LDB2: variants seen among roughly 807,000 people sequenced by gnomAD.
LDB2 encodes the protein LIM domain binding 2, also known as LIM domain-binding protein 2.
A neutral mutation model predicts 44.3 loss-of-function variants in LDB2; 12 were observed. That is an observed-to-expected ratio of 0.27 (90% CI 0.17 to 0.44). The LOEUF (loss-of-function observed/expected upper bound fraction) is 0.44, where lower values mean the gene tolerates loss of function less well. Ranked by LOEUF, LDB2 falls within the 20% of genes least tolerant of loss-of-function variation. LDB2 has a pLI of 1.00. For synonymous variants in LDB2, 164 were observed against 174.8 expected (o/e 0.94, Z 0.49); for missense variants, 344 against 473.5 (o/e 0.73, Z 2.54).
intron 2 of LDB2, among the ~76,000 whole-genome samples, chr4:16,708,549 A>T (rs902705499): frequency 6.6e-6 from 1 of 152,088 alleles, no homozygotes; most frequent in Non-Finnish European, 1.5e-5. Context: ...TTCCTCTGCA[A>T]ATACGGCCTG....
intron 1 of LDB2, among the ~76,000 whole-genome samples, chr4:16,815,123 C>T (rs1035697750): frequency 5.3e-5 from 8 of 152,156 alleles, no homozygotes; most frequent in African/African-American, 1.7e-4. Flanking sequence ...AATTGCAAGT[C>T]CAAGGCAAAG....
rs1345309761 is a variant in LDB2, at chr4:16,682,472, A to C, written c.235+76686T>G. 2.0e-5 allele frequency among the ~76,000 whole-genome samples: 3 copies of C among 152,296 alleles called. No individual in the cohort carries two copies. In the East Asian group the frequency reaches 5.8e-4, roughly 29 times the overall value. On this transcript the variant is annotated intron_variant, in intron 2 of 7. Transcript: ENST00000304523. Reference sequence around the variant, plus strand: ...CACAAGGTGGCTGTGACAATGACCAATGTTATTTCATAAAGCACTTAGAAT... The same window carrying C: ...CACAAGGTGGCTGTGACAATGACCACTGTTATTTCATAAAGCACTTAGAAT...
At position 16,714,016 on chromosome 4, in the gene LDB2, C is replaced by T. The variant is rs555177356; in HGVS notation, c.235+45142G>A. 4.1e-4 allele frequency among the ~76,000 whole-genome samples: 63 copies of T among 152,206 alleles called. No individual in the cohort carries two copies. The South Asian group carries it at 6.0e-3, about 15-fold the overall frequency. ...TTAAGAGCAGGTAGAGCTCATTCAC[C>T]GGCGAGAAGATATTTAAAAAGCATT... On this transcript the variant is annotated intron_variant, in intron 2 of 7. Transcript: ENST00000304523.
At chr4:16,791,572 A>AAAAAAAAAAAAAAAT (rs1554021638) in intron 1 of LDB2, among the ~76,000 whole-genome samples, 1 of 150,560 alleles carries the variant, frequency 6.6e-6, no homozygotes. Context: ...AAAAAAAAAA[A>AAAAAAAAAAAAAAAT]GAAAGACAGC....
At chr4:16,614,669 G>C (rs962492627) in intron 2 of LDB2, among the ~76,000 whole-genome samples, 1 of 150,244 alleles carries the variant, frequency 6.7e-6, no homozygotes. Context: ...AGATATTTAC[G>C]TACCAACAAA....
chr4:16,893,085 G>A (rs1723883949), intron 1 of LDB2: 1 of 973,590 alleles, frequency 1.0e-6, no homozygotes, highest in Non-Finnish European at 1.2e-6. Context: ...GGTTTTCTGA[G>A]GCCATGTAGA....
chr4:16,589,464 G>A (rs1718149252), intron 3 of LDB2, among the ~76,000 whole-genome samples: 1 of 152,128 alleles, frequency 6.6e-6, no homozygotes, highest in Admixed American at 6.5e-5. Context: ...GTCTTAGGGG[G>A]ATGGGACACT....
chr4:16,503,130 A>G, intron 7 of LDB2: 6 of 1,535,864 alleles, frequency 3.9e-6, no homozygotes, highest in Non-Finnish European at 5.2e-6. Context: ...AATGCTAGCA[A>G]TCTGCAGAAA....
intron 5 of LDB2, among the ~76,000 whole-genome samples, chr4:16,566,442 C>T (rs979637272): frequency 3.3e-5 from 5 of 151,920 alleles, no homozygotes; most frequent in African/African-American, 7.3e-5. Context: ...GAGAAAAGGA[C>T]GTATCAGTCA....
chr4:16,615,392 C>T (rs184412101), intron 2 of LDB2, among the ~76,000 whole-genome samples: 277 of 152,162 alleles, frequency 1.8e-3, no homozygotes, highest in Middle Eastern at 3.4e-3. Flanking sequence ...AAAGAAAATG[C>T]GGTACATATA....
chr4:16,524,843 A>G (rs956875710), intron 5 of LDB2, among the ~76,000 whole-genome samples: 1 of 152,190 alleles, frequency 6.6e-6, no homozygotes, highest in African/African-American at 2.4e-5. Context: ...ACTGACCCCC[A>G]GCATAGGAAC....
At chr4:16,810,339 C>T (rs1299542287) in intron 1 of LDB2, among the ~76,000 whole-genome samples, 1 of 152,196 alleles carries the variant, frequency 6.6e-6, no homozygotes, top group Non-Finnish European at 1.5e-5. Context: ...ATCTCAAACT[C>T]TACCTCATTC....
chr4:16,581,413 CCA>C (rs1714391152), intron 5 of LDB2: 6 of 985,064 alleles, frequency 6.1e-6, no homozygotes, highest in Non-Finnish European at 7.2e-6. Context: ...CTTGTCTTGA[CCA>C]TGCTGTTACT....
At chr4:16,897,858 G>A (rs1468564204) in intron 1 of LDB2, among the ~76,000 whole-genome samples, 2 of 141,688 alleles carry the variant, frequency 1.4e-5, no homozygotes, top group Non-Finnish European at 3.0e-5. Context: ...GTAAATACAG[G>A]TCAAAGCAGA....
At chr4:16,565,887 C>T (rs908166670) in intron 5 of LDB2, among the ~76,000 whole-genome samples, 2 of 151,794 alleles carry the variant, frequency 1.3e-5, no homozygotes, top group Non-Finnish European at 2.9e-5. Context: ...TTTGTGATCA[C>T]GAAAGTTATT....
intron 2 of LDB2, among the ~76,000 whole-genome samples, chr4:16,710,767 G>A (rs978785899): frequency 6.6e-5 from 10 of 152,142 alleles, no homozygotes; most frequent in African/African-American, 2.4e-4. Flanking sequence ...GTTAGGCCAA[G>A]GGTCATCCTT....
intron 1 of LDB2, among the ~76,000 whole-genome samples, chr4:16,837,013 T>C (rs1377702039): frequency 1.3e-5 from 2 of 152,218 alleles, no homozygotes; most frequent in Non-Finnish European, 2.9e-5. Flanking sequence ...TCATACTTCA[T>C]CTTCTGTTCC....
chr4:16,730,632 G>T (rs10033623), intron 2 of LDB2, among the ~76,000 whole-genome samples: 3,208 of 152,220 alleles, frequency 0.021, 108 homozygotes, highest in African/African-American at 0.073. Context: ...CATGAGAAAT[G>T]GAGGCTTAGA....
chr4:16,764,319 G>C (rs1321207736), intron 1 of LDB2, among the ~76,000 whole-genome samples: 2 of 152,040 alleles, frequency 1.3e-5, no homozygotes, highest in East Asian at 3.9e-4. Flanking sequence ...CCATTCTGTT[G>C]TCTGGTGTAG....
Sources: gnomAD v4.1 joint callset for allele counts (sites outside exome capture counted in the v4.1 genomes callset) on GRCh38, gnomAD v4.1.1 for gene constraint, MANE v1.5 for transcripts, NCBI Gene and HGNC (gene_info 2026-07-23, HGNC 2026-07-21) for gene names.